CAMK1D: variants seen among roughly 807,000 people sequenced by gnomAD.
CAMK1D encodes calcium/calmodulin dependent protein kinase ID, also known as calcium/calmodulin-dependent protein kinase type 1D.
CAMK1D carries 9 observed loss-of-function variants against 47.7 expected under a neutral mutation model. That is an observed-to-expected ratio of 0.19 (90% confidence interval 0.11 to 0.33). The LOEUF (loss-of-function observed/expected upper bound fraction) is 0.33. Among genes scored for constraint, CAMK1D ranks in the 10% least tolerant of loss-of-function variants. The pLI is 1.00. For missense variants in CAMK1D, 291 were observed against 488.7 expected, an observed-to-expected ratio of 0.60 and a Z score of 3.81; for synonymous variants, 184 against 184.9, an observed-to-expected ratio of 0.99 and a Z score of 0.04.
chr10:12,672,896 C>CT (rs750447013), intron 3 of CAMK1D, among the ~76,000 whole-genome samples: 32,769 of 76,474 alleles, frequency 0.43, 8,174 homozygotes, highest in Non-Finnish European at 0.5. Context: ...ATAGGCTTGC[C>CT]TTTTTTTTTT....
At chr10:12,811,286 G>A (rs1272479513) in intron 6 of CAMK1D, among the ~76,000 whole-genome samples, 1 of 152,082 alleles carries the variant, frequency 6.6e-6, no homozygotes, top group African/African-American at 2.4e-5. Context: ...GTGTGAATGG[G>A]CGGCCCCATG....
intron 1 of CAMK1D, among the ~76,000 whole-genome samples, chr10:12,394,815 C>T (rs1247634952): frequency 2.6e-5 from 4 of 152,214 alleles, no homozygotes; most frequent in Middle Eastern, 6.8e-3. Context: ...GATGTGGAAA[C>T]ATGAGCAGAA....
intron 2 of CAMK1D, 144 bp from the exon 3 acceptor site, chr10:12,666,592 T>C (rs1840438361): frequency 2.3e-5 from 15 of 660,936 alleles, no homozygotes; most frequent in South Asian, 1.1e-4. Context: ...GGAAAAAGTC[T>C]GGGGACAACA....
chr10:12,434,787 C>G (rs190459551), intron 1 of CAMK1D, among the ~76,000 whole-genome samples: 1 of 152,178 alleles, frequency 6.6e-6, no homozygotes, highest in Non-Finnish European at 1.5e-5. Flanking sequence ...TCACCTTGAT[C>G]GCCTTCAGTC....
intron 1 of CAMK1D, among the ~76,000 whole-genome samples, chr10:12,492,999 A>G (rs2768437): frequency 0.11 from 17,488 of 152,188 alleles, 1,043 homozygotes; most frequent in East Asian, 0.18. Flanking sequence ...CAGGCTGTCA[A>G]CCCTGGAAGG....
chr10:12,735,409 C>T (rs1035521535), intron 3 of CAMK1D, among the ~76,000 whole-genome samples: 3 of 152,062 alleles, frequency 2.0e-5, no homozygotes, highest in Non-Finnish European at 2.9e-5. Flanking sequence ...ACCCGGGAGG[C>T]GGAGCCTGCA....
At chr10:12,762,357 T>TAA (rs897585425) in intron 4 of CAMK1D, among the ~76,000 whole-genome samples, 1 of 152,240 alleles carries the variant, frequency 6.6e-6, no homozygotes, top group African/African-American at 2.4e-5. Flanking sequence ...AACATTTGTA[T>TAA]AAACAGAGTT....
At chr10:12,662,735 A>C (rs947263505) in intron 2 of CAMK1D, among the ~76,000 whole-genome samples, 1 of 152,054 alleles carries the variant, frequency 6.6e-6, no homozygotes, top group East Asian at 1.9e-4. Flanking sequence ...CTGGATATTC[A>C]GTAATTAACT....
intron 1 of CAMK1D, among the ~76,000 whole-genome samples, chr10:12,448,232 C>A (rs2132026734): frequency 6.8e-6 from 1 of 147,118 alleles, no homozygotes; most frequent in South Asian, 2.2e-4. Context: ...TCTATATTGC[C>A]CAGGCTGATC....
chr10:12,374,338 C>T (rs1056140968), intron 1 of CAMK1D, among the ~76,000 whole-genome samples: 4 of 151,994 alleles, frequency 2.6e-5, no homozygotes, highest in African/African-American at 9.7e-5. Flanking sequence ...AAGGAAGCCC[C>T]TTTACAGTAA....
intron 1 of CAMK1D, among the ~76,000 whole-genome samples, chr10:12,383,819 C>G (rs1319479340): frequency 6.6e-6 from 1 of 152,160 alleles, no homozygotes; most frequent in African/African-American, 2.4e-5. Context: ...AGTGTCTGCT[C>G]TCACCACCCC....
chr10:12,423,634 T>C (rs575890192), intron 1 of CAMK1D, among the ~76,000 whole-genome samples: 27 of 152,348 alleles, frequency 1.8e-4, no homozygotes, highest in Non-Finnish European at 3.2e-4. Context: ...AGGGAACCTC[T>C]GTTGGTCTGG....
chr10:12,533,024 C>T (rs928439167), intron 1 of CAMK1D, among the ~76,000 whole-genome samples: 1 of 151,972 alleles, frequency 6.6e-6, no homozygotes, highest in African/African-American at 2.4e-5. Context: ...TTTGATAGCA[C>T]CACAGGGTGA....
rs1055100623 is a variant in CAMK1D, at chr10:12,832,649, T to C, written c.*3762T>C. On this transcript the variant is annotated 3_prime_UTR_variant, in exon 11 of 11. Coordinates refer to ENST00000619168, the MANE Select transcript of CAMK1D (RefSeq NM_153498.4). ...AAAGTTAAAAAAAGGAAGAGTGGCT[T>C]TGCGTTCTTGACCATGGCCACAATT... 7 of 152,196 alleles carry C rather than the reference T, an allele frequency of 4.6e-5. No homozygotes were observed. Among genetic ancestry groups the C allele is most frequent in the African/African-American group, 1.7e-4 (7 of 41,462 alleles). 9.4% of individuals were successfully genotyped at this position (152,196 alleles called of 1,614,324 possible).
At chr10:12,509,057 T>G (rs11257842) in intron 1 of CAMK1D, among the ~76,000 whole-genome samples, 63,489 of 152,018 alleles carry the variant, frequency 0.42, 13,756 homozygotes, top group South Asian at 0.55. Flanking sequence ...GACAGAGTCT[T>G]GACCATTCAC....
intron 1 of CAMK1D, among the ~76,000 whole-genome samples, chr10:12,499,826 A>G (rs561485980): frequency 5.3e-5 from 8 of 152,310 alleles, no homozygotes; most frequent in African/African-American, 1.9e-4. Context: ...GAACCTCACC[A>G]TAGCTCTGGG....
At chr10:12,479,931 C>T (rs1358434042) in intron 1 of CAMK1D, among the ~76,000 whole-genome samples, 1 of 152,182 alleles carries the variant, frequency 6.6e-6, no homozygotes, top group Non-Finnish European at 1.5e-5. Flanking sequence ...GATACATGCT[C>T]TGCTTTCTGC....
intron 2 of CAMK1D, among the ~76,000 whole-genome samples, chr10:12,560,377 A>C (rs1052168505): frequency 6.6e-6 from 1 of 151,692 alleles, no homozygotes; most frequent in Non-Finnish European, 1.5e-5. Flanking sequence ...ACGTGGTGAA[A>C]CCCCGTCTCT....
chr10:12,428,398 C>T (rs898144230), intron 1 of CAMK1D, among the ~76,000 whole-genome samples: 3 of 152,106 alleles, frequency 2.0e-5, no homozygotes, highest in African/African-American at 7.3e-5. Context: ...TCTATTCTTT[C>T]TCACCAAAAT....
Sources: gnomAD v4.1 joint callset for allele counts (sites outside exome capture counted in the v4.1 genomes callset) on GRCh38, gnomAD v4.1.1 for gene constraint, MANE v1.5 for transcripts, NCBI Gene and HGNC (gene_info 2026-07-23, HGNC 2026-07-21) for gene names.